ZNF184: variants seen among roughly 807,000 people sequenced by gnomAD.
ZNF184 encodes zinc finger protein 184.
ZNF184 carries 16 observed loss-of-function variants against 54.4 expected under a neutral mutation model. That is an observed-to-expected ratio of 0.29 (90% CI 0.20 to 0.45). ZNF184 has a LOEUF of 0.45. Among genes scored for constraint, ZNF184 ranks in the 20% least tolerant of loss-of-function variants. The pLI, the probability that ZNF184 is intolerant of heterozygous loss-of-function variation, is 1.00. For synonymous variants in ZNF184, 254 were observed against 295.3 expected (o/e 0.86, Z 1.43); for missense variants, 681 against 888.2 (o/e 0.77, Z 2.97).
chr6:27,432,480 C>T, the ZNF184 span, among the ~76,000 whole-genome samples: 2 of 152,112 alleles, frequency 1.3e-5, no homozygotes, highest in Non-Finnish European at 2.9e-5. The surrounding 1 kb of genome is among the most constrained non-coding windows in gnomAD (Gnocchi z 4.0). Flanking sequence ...CTCTATTAGC[C>T]GTTTAAGGCA....
chr6:27,455,220 G>T (rs1762825809), intron 5 of ZNF184, among the ~76,000 whole-genome samples: 1 of 152,138 alleles, frequency 6.6e-6, no homozygotes. Context: ...ATCATCATCA[G>T]GTCAAATTCC....
At chr6:27,447,653 C>T (rs1293120712), downstream of ZNF184, among the ~76,000 whole-genome samples, 2 of 152,140 alleles carry the variant, frequency 1.3e-5, no homozygotes, top group African/African-American at 4.8e-5. Context: ...GCAGAGGCTG[C>T]AGTGAGCCAA....
rs140568138 is a variant in ZNF184 at position 27,466,087 on chromosome 6, G to A, written c.75+1766C>T. 4.5e-4 allele frequency among the ~76,000 whole-genome samples: 69 copies of A among 152,174 alleles called. 1 individual carries two copies. The highest frequency in any genetic ancestry group is 1.6e-3 in the African/African-American group (65 of 41,500). On this transcript the variant is annotated intron_variant, in intron 3 of 5. Transcript: ENST00000683788. ...ATCACAAGGGTCTTTATAAGAGGGA[G>A]GTAAGCATATCAGAGTAGGAGACAG...
the ZNF184 span, among the ~76,000 whole-genome samples, chr6:27,441,284 C>A: frequency 5.3e-5 from 8 of 152,272 alleles, no homozygotes; most frequent in East Asian, 7.7e-4. Context: ...GACACAATCT[C>A]AGCTGACTGC....
chr6:27,457,559 T>G (rs1346873791), intron 3 of ZNF184, 150 bp from the exon 4 acceptor site: 4 of 876,640 alleles, frequency 4.6e-6, no homozygotes, highest in Non-Finnish European at 6.8e-6. Context: ...GTAAAAACAG[T>G]GCCTCATCCA....
chr6:27,424,078 T>G, the ZNF184 span, among the ~76,000 whole-genome samples: 2 of 152,192 alleles, frequency 1.3e-5, no homozygotes, highest in African/African-American at 4.8e-5. Context: ...TGGAGTTTGT[T>G]CCTTTTGATG....
rs886610136 is a variant in ZNF184, at chr6:27,451,094, G to A, written c.*209C>T. Reference sequence around the variant, plus strand: ...CCTTCATTCCATAAAGGAAACTAAAGCTTAAAACAGTAGAGTTTTCTAATG... The same window carrying A: ...CCTTCATTCCATAAAGGAAACTAAAACTTAAAACAGTAGAGTTTTCTAATG... On this transcript the variant is annotated 3_prime_UTR_variant, in exon 6 of 6. Transcript: ENST00000683788. 4.1e-5 allele frequency: 20 copies of A among 492,102 alleles called. No individual in the cohort carries two copies. The highest frequency in any genetic ancestry group is 5.8e-5 in the Non-Finnish European group (17 of 292,582). 30.5% of individuals were successfully genotyped at this position (492,102 alleles called of 1,614,324 possible).
At chr6:27,428,211 G>A in the ZNF184 span, among the ~76,000 whole-genome samples, 1,879 of 152,184 alleles carry the variant, frequency 0.012, 44 homozygotes, top group African/African-American at 0.042. The surrounding 1 kb of genome is among the most constrained non-coding windows in gnomAD (Gnocchi z 4.1). Flanking sequence ...TATAACCCAA[G>A]CTCTAGCATG....
At chr6:27,450,218 A>G (rs1762684138), downstream of ZNF184, among the ~76,000 whole-genome samples, 1 of 152,224 alleles carries the variant, frequency 6.6e-6, no homozygotes, top group Admixed American at 6.5e-5. Context: ...CCTGGGTCCT[A>G]TCTCCTAAGG....
At chr6:27,421,426 A>G in the ZNF184 span, among the ~76,000 whole-genome samples, 2 of 152,298 alleles carry the variant, frequency 1.3e-5, no homozygotes, top group Admixed American at 1.3e-4. Flanking sequence ...CAATCTTAGG[A>G]CCAAAAAGAA....
the ZNF184 span, chr6:27,406,640 AAATGACTTGCACC>A: frequency 1.3e-5 from 2 of 152,306 alleles, no homozygotes; most frequent in Non-Finnish European, 1.5e-5. Context: ...TCCTTCTCCC[AAATGACTTGCACC>A]AAGTCTGTAC....
the ZNF184 span, among the ~76,000 whole-genome samples, chr6:27,415,242 C>T: frequency 1.3e-5 from 2 of 152,038 alleles, no homozygotes; most frequent in Non-Finnish European, 2.9e-5. Flanking sequence ...AGTCAGACAT[C>T]AACTTTATGC....
intron 3 of ZNF184, among the ~76,000 whole-genome samples, chr6:27,464,700 A>C (rs1763078637): frequency 1.3e-5 from 2 of 152,156 alleles, no homozygotes. Context: ...CCCAAGAAGC[A>C]GAGATTTCCA....
chr6:27,440,202 G>A, the ZNF184 span, among the ~76,000 whole-genome samples: 1 of 152,138 alleles, frequency 6.6e-6, no homozygotes, highest in Admixed American at 6.5e-5. Context: ...ATTGATTTTT[G>A]TCTAATTGAT....
At chr6:27,417,482 C>A in the ZNF184 span, among the ~76,000 whole-genome samples, 3 of 152,204 alleles carry the variant, frequency 2.0e-5, no homozygotes, top group East Asian at 5.8e-4. Flanking sequence ...GCCTCCCAAA[C>A]TGGTGTTGGA....
chr6:27,420,704 C>A, the ZNF184 span, among the ~76,000 whole-genome samples: 1 of 152,164 alleles, frequency 6.6e-6, no homozygotes, highest in African/African-American at 2.4e-5. Context: ...GGTAGAGATG[C>A]AACATGGTAC....
chr6:27,413,278 A>G, the ZNF184 span, among the ~76,000 whole-genome samples: 1 of 152,236 alleles, frequency 6.6e-6, no homozygotes, highest in African/African-American at 2.4e-5. Context: ...AAAGAAAAAA[A>G]AACAGATTTA....
the ZNF184 span, among the ~76,000 whole-genome samples, chr6:27,435,725 C>A: frequency 6.6e-6 from 1 of 152,172 alleles, no homozygotes; most frequent in Non-Finnish European, 1.5e-5. Context: ...CTCTTACCTG[C>A]TTGTTTTAAA....
At chr6:27,420,302 T>A in the ZNF184 span, among the ~76,000 whole-genome samples, 1 of 152,206 alleles carries the variant, frequency 6.6e-6, no homozygotes, top group Non-Finnish European at 1.5e-5. Flanking sequence ...TTCAGCCTGT[T>A]CAAAATTCAT....
Sources: allele counts gnomAD v4.1 joint callset (sites outside exome capture counted in the v4.1 genomes callset), GRCh38; gene constraint gnomAD v4.1.1; non-coding constraint Gnocchi (gnomAD v3.1); transcripts MANE v1.5; gene names NCBI Gene and HGNC (gene_info 2026-07-23, HGNC 2026-07-21).